Variants in NFAM1 observed in about 807,000 individuals in gnomAD.
NFAM1 encodes NFAT activating protein with ITAM motif 1, also known as NFAT activation molecule 1.
A neutral mutation model predicts 29.0 loss-of-function variants in NFAM1; 17 were observed. The observed-to-expected ratio is 0.59, with a 90% confidence interval of 0.40 to 0.88. The LOEUF is 0.88. Among genes scored for constraint, NFAM1 ranks in the 40% least tolerant of loss-of-function variants. NFAM1 has a pLI of 0.00. For synonymous variants in NFAM1, 175 were observed against 147.2 expected (o/e 1.19, Z -1.36); for missense variants, 324 against 344.6 (o/e 0.94, Z 0.47).
intron 4 of NFAM1, among the ~76,000 whole-genome samples, chr22:42,391,952 A>G (rs1929358979): frequency 6.6e-6 from 1 of 150,962 alleles, no homozygotes; most frequent in South Asian, 2.1e-4. Flanking sequence ...TCTCAAAAAA[A>G]AAAAAAAAAA....
At chr22:42,418,386 G>A (rs1321048194) in intron 1 of NFAM1, among the ~76,000 whole-genome samples, 1 of 152,180 alleles carries the variant, frequency 6.6e-6, no homozygotes, top group Non-Finnish European at 1.5e-5. Flanking sequence ...AGTCCTCCTT[G>A]GGGATCTACA....
intron 1 of NFAM1, among the ~76,000 whole-genome samples, chr22:42,424,509 C>A (rs560935617): frequency 1.3e-5 from 2 of 152,192 alleles, no homozygotes; most frequent in Non-Finnish European, 2.9e-5. Flanking sequence ...GCAAGCCGAA[C>A]TTGTTCAGCT....
chr22:42,409,391 T>C lies in NFAM1; in HGVS notation c.564+44A>G. 1.8e-6 allele frequency: 2 copies of C among 1,090,800 alleles called. No individual in the cohort carries two copies. The highest frequency in any genetic ancestry group is 2.6e-6 in the Non-Finnish European group (2 of 775,836). 67.6% of individuals were successfully genotyped at this position (1,090,800 alleles called of 1,614,324 possible). A position where few individuals can be genotyped will look rare whatever the true frequency, so the allele number is the denominator to read the frequency against. On this transcript the variant is annotated intron_variant, in intron 3 of 5. Coordinates refer to ENST00000329021, the MANE Select transcript of NFAM1 (RefSeq NM_145912.8). This position sits in a 1 kb window ranked among gnomAD's most constrained non-coding sequence, Gnocchi z 4.9. ...GAGGGCAGGCGGGCAGCCGGTGGCG[T>C]GTCGGGTGGAGGGGCTGCATGGCTG...
intron 3 of NFAM1, among the ~76,000 whole-genome samples, chr22:42,401,181 G>T (rs1314800222): frequency 6.6e-6 from 1 of 152,326 alleles, no homozygotes; most frequent in East Asian, 1.9e-4. Flanking sequence ...GGGCCATCTT[G>T]CGCTGTCTTC....
Position 42,409,921 on chromosome 22 carries a change from A to G in NFAM1, c.452-374T>C, listed in dbSNP as rs7291924. 0.5 allele frequency among the ~76,000 whole-genome samples: 76,089 copies of G among 151,916 alleles called. 21,540 individuals carry two copies. The highest frequency in any genetic ancestry group is 0.77 in the African/African-American group (31,967 of 41,466). ...ATGTGGCTAGGGCTGAAGGAGGCGG[A>G]TTTATCCTGGGACTGACAGGGGGCT... On this transcript the variant is annotated intron_variant, in intron 2 of 5. Coordinates refer to ENST00000329021, the MANE Select transcript of NFAM1 (RefSeq NM_145912.8). This position sits in a 1 kb window ranked among gnomAD's most constrained non-coding sequence, Gnocchi z 4.9.
At chr22:42,411,819 C>T (rs1394284585) in intron 1 of NFAM1, 83 bp from the exon 2 acceptor site, 25 of 931,990 alleles carry the variant, frequency 2.7e-5, no homozygotes, top group African/African-American at 3.3e-5. Flanking sequence ...GGCTCACGAC[C>T]GGGTGCGGTG....
rs1485699299 is a variant in NFAM1, at chr22:42,430,985, T to C, written c.121+1252A>G. 3.3e-5 allele frequency among the ~76,000 whole-genome samples: 5 copies of C among 152,116 alleles called. No homozygotes were observed. In the South Asian group the frequency reaches 6.2e-4, roughly 19 times the overall value. ...GAGGCGTGCACAGGATTAAAGGAGA[T>C]GGTGTCCTAGGGCTCTGGGCTGCAG... On this transcript the variant is annotated intron_variant, in intron 1 of 5. Transcript: ENST00000329021.
At chr22:42,411,224 A>T (rs1375166390) in intron 2 of NFAM1, among the ~76,000 whole-genome samples, 183 bp downstream of exon 2, 1 of 151,906 alleles carries the variant, frequency 6.6e-6, no homozygotes, top group Non-Finnish European at 1.5e-5. Flanking sequence ...GGGTTTCACC[A>T]TGTTGGCCAG....
intron 3 of NFAM1, among the ~76,000 whole-genome samples, chr22:42,405,211 G>A (rs1280564050): frequency 6.6e-6 from 1 of 152,142 alleles, no homozygotes; most frequent in South Asian, 2.1e-4. Flanking sequence ...ATCTTTGTAG[G>A]GCAGGAGCTG....
At chr22:42,421,223 G>C (rs947574775) in intron 1 of NFAM1, among the ~76,000 whole-genome samples, 1 of 152,088 alleles carries the variant, frequency 6.6e-6, no homozygotes, top group African/African-American at 2.4e-5. Flanking sequence ...GCGTGAGGTG[G>C]GTGGATCTCC....
chr22:42,407,481 A>C (rs921544733), intron 3 of NFAM1, among the ~76,000 whole-genome samples: 1 of 151,730 alleles, frequency 6.6e-6, no homozygotes, highest in Non-Finnish European at 1.5e-5. Flanking sequence ...CAATTCTCCC[A>C]CTTCAGCCTC....
At chr22:42,433,962 C>T (rs370232705), upstream of NFAM1, among the ~76,000 whole-genome samples, 3 of 152,114 alleles carry the variant, frequency 2.0e-5, no homozygotes, top group South Asian at 2.1e-4. Context: ...AGTCTCATTA[C>T]GACTTGGCAC....
At chr22:42,402,076 T>C (rs1373539244) in intron 3 of NFAM1, among the ~76,000 whole-genome samples, 3 of 152,196 alleles carry the variant, frequency 2.0e-5, no homozygotes, top group African/African-American at 7.2e-5. Flanking sequence ...CGCCAGGTTG[T>C]GACAGAAGCC....
At chr22:42,420,041 T>C (rs1158556512) in intron 1 of NFAM1, among the ~76,000 whole-genome samples, 1 of 132,458 alleles carries the variant, frequency 7.5e-6, no homozygotes, top group Non-Finnish European at 1.6e-5. Context: ...GGCAGAATTT[T>C]GCTCTTGTAC....
intron 1 of NFAM1, among the ~76,000 whole-genome samples, chr22:42,424,995 C>G (rs1930577822): frequency 6.6e-6 from 1 of 151,692 alleles, no homozygotes; most frequent in Admixed American, 6.6e-5. Flanking sequence ...AATCCCGTCT[C>G]ACAGCAAACT....
At position 42,381,124 on chromosome 22, in the gene NFAM1, C is replaced by G. The variant is rs1928931819; in HGVS notation, c.*4037G>C. 1 of 152,680 alleles carries G rather than the reference C, an allele frequency of 6.5e-6. No homozygotes were observed. The highest frequency in any genetic ancestry group is 2.4e-5 in the African/African-American group (1 of 41,444). 9.5% of individuals were successfully genotyped at this position (152,680 alleles called of 1,614,324 possible). A position where few individuals can be genotyped will look rare whatever the true frequency, so the allele number is the denominator to read the frequency against. On this transcript the variant is annotated 3_prime_UTR_variant, in exon 6 of 6. Transcript: ENST00000329021. ...TGACCTCCAGAAGAAGTCCATGGGC[C>G]CTCTGCTAGGGTGGCACCAGACTTC...
chr22:42,396,745 G>A (rs572961224), intron 4 of NFAM1, among the ~76,000 whole-genome samples: 1 of 152,326 alleles, frequency 6.6e-6, no homozygotes, highest in East Asian at 1.9e-4. Context: ...GGAACTGTTG[G>A]CACTGCCCCA....
chr22:42,433,420 G>C (rs1002505029), upstream of NFAM1, among the ~76,000 whole-genome samples: 2 of 152,220 alleles, frequency 1.3e-5, no homozygotes, highest in African/African-American at 4.8e-5. Flanking sequence ...GGCCCCAGGA[G>C]GCAAAACAAC....
intron 1 of NFAM1, among the ~76,000 whole-genome samples, chr22:42,430,100 G>A (rs139586291): frequency 2.7e-5 from 4 of 150,546 alleles, no homozygotes; most frequent in Admixed American, 6.7e-5. Flanking sequence ...CTATCTCTAC[G>A]AAAAAATTTA....
Sources: gnomAD v4.1 joint callset for allele counts (sites outside exome capture counted in the v4.1 genomes callset) on GRCh38, gnomAD v4.1.1 for gene constraint, Gnocchi (gnomAD v3.1) non-coding constraint, MANE v1.5 for transcripts, NCBI Gene and HGNC (gene_info 2026-07-23, HGNC 2026-07-21) for gene names.